MAP6: variants seen among roughly 807,000 people sequenced by gnomAD.
MAP6 encodes the protein microtubule-associated protein 6.
In MAP6, 26 loss-of-function variants were observed where a neutral mutation model predicts 42.4. The observed-to-expected ratio is 0.61, with a 90% CI of 0.45 to 0.85. The LOEUF (loss-of-function observed/expected upper bound fraction) is 0.85, where lower values mean the gene tolerates loss of function less well. MAP6 is among the 40% of genes least tolerant of loss of function. MAP6 has a pLI of 0.00. For missense variants in MAP6, 966 were observed against 1,099.0 expected (o/e 0.88, Z 1.71); for synonymous variants, 418 against 443.8 (o/e 0.94, Z 0.73).
At chr11:75,630,716 T>G (rs61895128) in intron 1 of MAP6, among the ~76,000 whole-genome samples, 7,831 of 152,320 alleles carry the variant, frequency 0.051, 255 homozygotes, top group East Asian at 0.14. Flanking sequence ...GCTTCCTATC[T>G]GTATCTCCCT....
intron 1 of MAP6, among the ~76,000 whole-genome samples, chr11:75,627,661 A>G (rs1035966415): frequency 1.3e-5 from 2 of 152,230 alleles, no homozygotes; most frequent in African/African-American, 4.8e-5. Flanking sequence ...TGTATGAGGC[A>G]CACTTTTTCA....
At chr11:75,625,604 G>A (rs530566703) in intron 1 of MAP6, among the ~76,000 whole-genome samples, 2 of 152,274 alleles carry the variant, frequency 1.3e-5, no homozygotes, top group Admixed American at 1.3e-4. Flanking sequence ...CAAACAGGAG[G>A]ACCAGAACTC....
chr11:75,665,288 A>C (rs974101557), intron 1 of MAP6, among the ~76,000 whole-genome samples: 2 of 152,348 alleles, frequency 1.3e-5, no homozygotes, highest in African/African-American at 4.8e-5. Flanking sequence ...GGCTATATGG[A>C]ACAAGGTACA....
chr11:75,651,002 C>T (rs746533305), intron 1 of MAP6, among the ~76,000 whole-genome samples: 1 of 152,172 alleles, frequency 6.6e-6, no homozygotes, highest in South Asian at 2.1e-4. Flanking sequence ...CCCATCAGCA[C>T]CACAATCCCC....
At chr11:75,627,719 T>C (rs1019208568) in intron 1 of MAP6, among the ~76,000 whole-genome samples, 2 of 152,314 alleles carry the variant, frequency 1.3e-5, no homozygotes, top group South Asian at 2.1e-4. Flanking sequence ...GACACTGTTA[T>C]TATCATCCTC....
chr11:75,598,587 C>T (rs1942620422), intron 3 of MAP6, among the ~76,000 whole-genome samples: 1 of 152,212 alleles, frequency 6.6e-6, no homozygotes, highest in Non-Finnish European at 1.5e-5. Flanking sequence ...AAAACTGCCC[C>T]TTTCATGGGA....
At position 75,668,545 on chromosome 11, in the gene MAP6, C is replaced by G; in HGVS notation, c.-176G>C. The stretch of plus-strand genomic sequence containing the variant: ...CAGCGAGCACCCGGGGAGAGCTGTC[C>G]TAGGAGAGTCTGTAGAGTCCCTCGA... On this transcript the variant is annotated 5_prime_UTR_variant, in exon 1 of 4. Transcript: ENST00000304771. 1 of 848,566 alleles carries G rather than the reference C, an allele frequency of 1.2e-6. No individual in the cohort carries two copies. Among genetic ancestry groups the G allele is most frequent in the Non-Finnish European group, 1.6e-6 (1 of 627,256 alleles). The allele number at this position is 848,566 out of a possible 1,614,324, so 52.6% of individuals were successfully genotyped here. A position where few individuals can be genotyped will look rare whatever the true frequency, so the allele number is the denominator to read the frequency against.
chr11:75,630,880 T>G (rs1943274743), intron 1 of MAP6, among the ~76,000 whole-genome samples: 1 of 152,234 alleles, frequency 6.6e-6, no homozygotes, highest in Non-Finnish European at 1.5e-5. Flanking sequence ...ATCATAGAAT[T>G]TGTTAATAAT....
At chr11:75,588,829 G>T (rs1942421414) in intron 3 of MAP6, among the ~76,000 whole-genome samples, 1 of 152,180 alleles carries the variant, frequency 6.6e-6, no homozygotes, top group Non-Finnish European at 1.5e-5. Flanking sequence ...ATAATAAAAA[G>T]CAGGCCAGCT....
intron 2 of MAP6, 79 bp from the exon 3 acceptor site, chr11:75,606,083 G>C (rs1942768602): frequency 6.6e-7 from 1 of 1,515,864 alleles, no homozygotes; most frequent in Non-Finnish European, 8.9e-7. Flanking sequence ...AAAAGATATG[G>C]TTAATTAAGG....
intron 1 of MAP6, among the ~76,000 whole-genome samples, chr11:75,614,354 C>T (rs146237649): frequency 6.7e-4 from 102 of 152,320 alleles, no homozygotes; most frequent in African/African-American, 2.2e-3. Context: ...TTACGTAGAG[C>T]TTAATTCCTT....
chr11:75,595,173 G>C (rs951802850), intron 3 of MAP6, among the ~76,000 whole-genome samples: 1 of 152,226 alleles, frequency 6.6e-6, no homozygotes, highest in African/African-American at 2.4e-5. Context: ...GCACATGCCC[G>C]GTGAGGCAGC....
chr11:75,631,737 T>C (rs1268347072), intron 1 of MAP6, among the ~76,000 whole-genome samples: 1 of 152,208 alleles, frequency 6.6e-6, no homozygotes, highest in Non-Finnish European at 1.5e-5. Context: ...TTGATATATT[T>C]AGGAGGAAAT....
chr11:75,608,175 G>A lies in MAP6; in HGVS notation c.1053C>T (p.Asp351=). The change falls in exon 2 of 4, where the codon GAC becomes GAT. Residue 351 remains aspartate (D), a synonymous_variant. Transcript: ENST00000304771. Reference sequence around the variant, plus strand: ...TTCTTCTGCGATCAATGACCTTATTGTCAGCTGTTGTTGGCTTGCTGGCCT... The same window carrying A: ...TTCTTCTGCGATCAATGACCTTATTATCAGCTGTTGTTGGCTTGCTGGCCT... ...KGEASKPTTA[D]NKVIDRRRIR... 1 of 1,614,066 alleles carries A rather than the reference G, an allele frequency of 6.2e-7. No homozygotes were observed. Among genetic ancestry groups the A allele is most frequent in the Non-Finnish European group, 8.5e-7 (1 of 1,180,038 alleles).
chr11:75,648,734 A>G (rs1017937187), intron 1 of MAP6, among the ~76,000 whole-genome samples: 1 of 152,218 alleles, frequency 6.6e-6, no homozygotes, highest in African/African-American at 2.4e-5. Flanking sequence ...CAATGCAGGC[A>G]AGTAAGAAAA....
intron 1 of MAP6, among the ~76,000 whole-genome samples, chr11:75,654,972 C>A (rs1298160851): frequency 1.3e-5 from 2 of 152,206 alleles, no homozygotes; most frequent in Non-Finnish European, 2.9e-5. Context: ...TGTTAACTAG[C>A]CACTGTTGCG....
chr11:75,587,216 G>A lies in MAP6; in HGVS notation c.2285C>T (p.Pro762Leu). The A allele has an allele frequency of 6.2e-7, 1 of 1,614,156 alleles. No individual in the cohort carries two copies. Among genetic ancestry groups the A allele is most frequent in the Non-Finnish European group, 8.5e-7 (1 of 1,180,032 alleles). ...GTCCTTTGCTGGTACTGGCACCAGA[G>A]GATCTTGATCCTTCAGAGGCACTGG... ...IVPVPLKDQD[P>L]LVPVPAKDQG... is the part of the protein sequence containing the mutation. Residue 762 changes from proline (P) to leucine (L), a missense_variant, in exon 4 of 4, where the codon CCT (proline) becomes CTT (leucine). Pro to Leu is a moderately conservative substitution (Grantham distance 98). Transcript: ENST00000304771.
At chr11:75,598,026 G>T (rs2135577821) in intron 3 of MAP6, among the ~76,000 whole-genome samples, 1 of 152,254 alleles carries the variant, frequency 6.6e-6, no homozygotes, top group Non-Finnish European at 1.5e-5. Context: ...CTCCCCATGG[G>T]GCCCTCACCG....
rs192120513 is a variant in MAP6 at position 75,649,827 on chromosome 11, C to T, written c.905+17638G>A. ...GTGCTGGGATTACAGGTGTGAGCCACCGCACCCAGCCTCAAATATAATAAA... is the reference window on the plus strand; with the variant it reads ...GTGCTGGGATTACAGGTGTGAGCCATCGCACCCAGCCTCAAATATAATAAA... On this transcript the variant is annotated intron_variant, in intron 1 of 3. Transcript: ENST00000304771. 6.3e-3 allele frequency among the ~76,000 whole-genome samples: 966 copies of T among 152,238 alleles called. 10 individuals are homozygous for T. The highest frequency in any genetic ancestry group is 0.024 in the Middle Eastern group (7 of 294).
Sources: allele counts gnomAD v4.1 joint callset (sites outside exome capture counted in the v4.1 genomes callset), GRCh38; gene constraint gnomAD v4.1.1; transcripts MANE v1.5; gene names NCBI Gene and HGNC (gene_info 2026-07-23, HGNC 2026-07-21).